Variants in UBE2L3 observed in about 807,000 individuals in gnomAD.
UBE2L3 encodes ubiquitin-conjugating enzyme E2 L3.
A neutral mutation model predicts 17.8 loss-of-function variants in UBE2L3; 1 was observed. The ratio of observed to expected loss-of-function variants is 0.06; its 90% CI spans 0.02 to 0.27. The LOEUF (loss-of-function observed/expected upper bound fraction) is 0.27, where lower values mean the gene tolerates loss of function less well. Ranked by LOEUF, UBE2L3 falls within the 10% of genes least tolerant of loss-of-function variation. The probability of loss-of-function intolerance (pLI) is 1.00; values close to 1 mark genes in which losing one functional copy is unlikely to be tolerated. For missense variants in UBE2L3, 40 were observed against 192.6 expected (o/e 0.21, Z 4.69); for synonymous variants, 44 against 68.5 (o/e 0.64, Z 1.76).
chr22:21,605,540 T>C (rs1929114953), intron 2 of UBE2L3, among the ~76,000 whole-genome samples: 1 of 152,076 alleles, frequency 6.6e-6, no homozygotes, highest in African/African-American at 2.4e-5. Context: ...ATTTTCACTT[T>C]TGTTGCCCAG....
rs1229393478 is a variant in UBE2L3, at chr22:21,622,881, A to C, written c.*1212A>C. The C allele has an allele frequency of 6.5e-6, 1 of 152,750 alleles. No individual in the cohort carries two copies. The highest frequency in any genetic ancestry group is 2.4e-5 in the African/African-American group (1 of 41,418). 9.5% of individuals were successfully genotyped at this position (152,750 alleles called of 1,614,324 possible). A position where few individuals can be genotyped will look rare whatever the true frequency, so the allele number is the denominator to read the frequency against. On this transcript the variant is annotated 3_prime_UTR_variant, in exon 4 of 4. Transcript: ENST00000342192. ...CAGTAATATCCTTTCAATGTGTTTT[A>C]TATTGTTTTGACTGCCTTTTTTTGT... is the stretch of plus-strand genomic sequence containing the variant.
chr22:21,582,651 G>A (rs1203625434), intron 1 of UBE2L3, among the ~76,000 whole-genome samples: 4 of 151,982 alleles, frequency 2.6e-5, no homozygotes, highest in Non-Finnish European at 5.9e-5. Flanking sequence ...TCAGCCACCC[G>A]AGTAGCTGGG....
chr22:21,572,939 G>C (rs1376518001), intron 1 of UBE2L3, among the ~76,000 whole-genome samples: 1 of 152,080 alleles, frequency 6.6e-6, no homozygotes, highest in African/African-American at 2.4e-5. Context: ...GGATTCTGCT[G>C]AACTATGCCT....
At chr22:21,618,753 A>G (rs940420296) in intron 3 of UBE2L3, among the ~76,000 whole-genome samples, 3 of 151,898 alleles carry the variant, frequency 2.0e-5, no homozygotes, top group Admixed American at 6.6e-5. Flanking sequence ...ACAACCGGCT[A>G]ATTTTATTTT....
chr22:21,606,445 A>G (rs1291232656), intron 2 of UBE2L3, among the ~76,000 whole-genome samples: 3 of 152,096 alleles, frequency 2.0e-5, no homozygotes, highest in Non-Finnish European at 4.4e-5. Context: ...TCAGCCTCCC[A>G]GTGTGCCACC....
chr22:21,607,370 T>C (rs1392041993), intron 2 of UBE2L3, among the ~76,000 whole-genome samples: 1 of 149,238 alleles, frequency 6.7e-6, no homozygotes. Flanking sequence ...AAAAAATTAG[T>C]CGGGCAGGGT....
At chr22:21,615,362 T>C in intron 3 of UBE2L3, among the ~76,000 whole-genome samples, 1 of 151,948 alleles carries the variant, frequency 6.6e-6, no homozygotes, top group East Asian at 1.9e-4. Flanking sequence ...GAGACCATCC[T>C]GGCTAACATG....
At chr22:21,597,889 A>G (rs1298273358) in intron 2 of UBE2L3, among the ~76,000 whole-genome samples, 3 of 142,576 alleles carry the variant, frequency 2.1e-5, no homozygotes, top group Non-Finnish European at 4.5e-5. Context: ...TCCCAGGCTC[A>G]AGCGATCCTC....
At chr22:21,592,002 G>A (rs1928290829) in intron 1 of UBE2L3, among the ~76,000 whole-genome samples, 1 of 152,188 alleles carries the variant, frequency 6.6e-6, no homozygotes, top group Non-Finnish European at 1.5e-5. Flanking sequence ...AGATGTTGGA[G>A]GCAATGGGAA....
intron 2 of UBE2L3, among the ~76,000 whole-genome samples, chr22:21,604,895 G>T (rs1045471958): frequency 6.6e-6 from 1 of 152,170 alleles, no homozygotes; most frequent in Admixed American, 6.6e-5. Flanking sequence ...TCCCTGGGTG[G>T]TGAGAGGCCT....
rs577674672 is a variant in UBE2L3, at chr22:21,569,706, C to A, written c.27+1935C>A. On this transcript the variant is annotated intron_variant, in intron 1 of 3. Coordinates refer to ENST00000342192, the MANE Select transcript of UBE2L3 (RefSeq NM_003347.4). ...TCCTGCCCTTTGGTTTCCCACAGTT[C>A]TTGCACCTAATCACAGTAGCTACTA... Among the ~76,000 whole-genome samples, 8 of 152,326 alleles carry A rather than the reference C, an allele frequency of 5.3e-5. No homozygotes were observed. The South Asian group carries it at 1.2e-3, about 24-fold the overall frequency.
At chr22:21,561,588 A>C (rs1260412666) in intron 1 of UBE2L3, among the ~76,000 whole-genome samples, 2 of 152,290 alleles carry the variant, frequency 1.3e-5, no homozygotes, top group East Asian at 3.8e-4. Flanking sequence ...TCTCAAAAAA[A>C]AAAGGGGGTC....
chr22:21,620,324 G>T (rs571056799), intron 3 of UBE2L3, among the ~76,000 whole-genome samples: 3 of 152,238 alleles, frequency 2.0e-5, no homozygotes, highest in Admixed American at 1.3e-4. Flanking sequence ...TACTCAGGAA[G>T]CTGAGGCAGG....
At chr22:21,589,142 ATTTTTTTT>A (rs768593270) in intron 1 of UBE2L3, among the ~76,000 whole-genome samples, 2 of 111,728 alleles carry the variant, frequency 1.8e-5, no homozygotes, top group Non-Finnish European at 3.6e-5. Flanking sequence ...CATGATTGGA[ATTTTTTTT>A]TTTTTTTTTT....
At chr22:21,595,711 A>G (rs572521119) in intron 2 of UBE2L3, among the ~76,000 whole-genome samples, 31 of 152,276 alleles carry the variant, frequency 2.0e-4, no homozygotes, top group African/African-American at 7.0e-4. Context: ...AAGGAAGAAA[A>G]TATTACCCAT....
At chr22:21,594,003 C>T (rs1297478918) in intron 2 of UBE2L3, among the ~76,000 whole-genome samples, 6 of 152,176 alleles carry the variant, frequency 3.9e-5, no homozygotes, top group African/African-American at 1.4e-4. Flanking sequence ...GCCTTCTCCC[C>T]GGAAGCTGCA....
chr22:21,610,393 T>C (rs1929417270), intron 2 of UBE2L3, among the ~76,000 whole-genome samples: 1 of 152,202 alleles, frequency 6.6e-6, no homozygotes, highest in African/African-American at 2.4e-5. Flanking sequence ...ACCTATAGAA[T>C]GTGCAACACC....
intron 3 of UBE2L3, among the ~76,000 whole-genome samples, chr22:21,616,752 C>CTT (rs755178949): frequency 2.0e-5 from 3 of 151,450 alleles, no homozygotes; most frequent in African/African-American, 7.3e-5. Flanking sequence ...CACCCCCCCC[C>CTT]TTTTTTTAAA....
chr22:21,562,847 G>A (rs1310868735), upstream of UBE2L3, among the ~76,000 whole-genome samples: 1 of 151,928 alleles, frequency 6.6e-6, no homozygotes, highest in Non-Finnish European at 1.5e-5. Flanking sequence ...GGCCTAATAG[G>A]TGAGTGCCCA....
Sources: gnomAD v4.1 joint callset for allele counts (sites outside exome capture counted in the v4.1 genomes callset) on GRCh38, gnomAD v4.1.1 for gene constraint, MANE v1.5 for transcripts, NCBI Gene and HGNC (gene_info 2026-07-23, HGNC 2026-07-21) for gene names.